Variants in ZFYVE9 observed in about 807,000 individuals in gnomAD.
The protein encoded by ZFYVE9 is zinc finger FYVE domain-containing protein 9.
ZFYVE9 carries 43 observed loss-of-function variants against 126.7 expected under a neutral mutation model. The observed-to-expected ratio is 0.34, with a 90% confidence interval of 0.27 to 0.44. The LOEUF (loss-of-function observed/expected upper bound fraction) is 0.44, where lower values mean the gene tolerates loss of function less well. ZFYVE9 is among the 20% of genes least tolerant of loss of function. The pLI is 1.00. For synonymous variants in ZFYVE9, 521 were observed against 597.4 expected (o/e 0.87, Z 1.87); for missense variants, 1,476 against 1,697.0 (o/e 0.87, Z 2.29).
At chr1:52,266,549 A>G in intron 5 of ZFYVE9, 106 bp from the exon 6 acceptor site, 1 of 942,954 alleles carries the variant, frequency 1.1e-6, no homozygotes, top group Non-Finnish European at 1.5e-6. Context: ...GAGACATACT[A>G]TGAGTATTAA....
At chr1:52,316,552 A>G (rs1165304978) in intron 13 of ZFYVE9, among the ~76,000 whole-genome samples, 1 of 152,178 alleles carries the variant, frequency 6.6e-6, no homozygotes, top group Admixed American at 6.6e-5. Context: ...TGAAATGGCT[A>G]TATTAATATC....
At chr1:52,257,812 G>A (rs1645537432) in intron 4 of ZFYVE9, among the ~76,000 whole-genome samples, 2 of 152,144 alleles carry the variant, frequency 1.3e-5, no homozygotes, top group Non-Finnish European at 2.9e-5. Flanking sequence ...TCTGCTCACT[G>A]CAACCTCCAC....
chr1:52,274,395 T>G, intron 7 of ZFYVE9, 69 bp from the exon 8 acceptor site: 3 of 1,477,280 alleles, frequency 2.0e-6, no homozygotes, highest in Non-Finnish European at 2.7e-6. Context: ...CCCATTTGTA[T>G]TTTTAATTAT....
intron 1 of ZFYVE9, among the ~76,000 whole-genome samples, chr1:52,198,156 C>T (rs1445718923): frequency 7.9e-6 from 1 of 126,254 alleles, no homozygotes; most frequent in Non-Finnish European, 1.6e-5. Flanking sequence ...GAGTCTCACT[C>T]TGTCACCCAA....
chr1:52,284,359 T>G (rs186643591), intron 10 of ZFYVE9, among the ~76,000 whole-genome samples: 1 of 152,022 alleles, frequency 6.6e-6, no homozygotes, highest in Non-Finnish European at 1.5e-5. Flanking sequence ...TCCTGAGAGA[T>G]AGACATCCTC....
chr1:52,330,022 G>GATAAC lies in ZFYVE9; in HGVS notation c.3439-2722_3439-2718dup, dbSNP rs55926257. ...AGGTGGGAGGATCAGTGTCAACCTGGATAACATAACATAACATAACATAAC... is the reference window on the plus strand; with the variant it reads ...AGGTGGGAGGATCAGTGTCAACCTGGATAACATAACATAACATAACATAACATAAC... On this transcript the variant is annotated intron_variant, in intron 13 of 18. Coordinates refer to ENST00000287727, the MANE Select transcript of ZFYVE9 (RefSeq NM_004799.4). Among the ~76,000 whole-genome samples the GATAAC allele has an allele frequency of 7.6e-3, 1,146 of 151,214 alleles. 10 individuals carry two copies. Among genetic ancestry groups the GATAAC allele is most frequent in the Middle Eastern group, 0.01 (3 of 292 alleles).
At chr1:52,151,721 T>A (rs1429760612) in intron 1 of ZFYVE9, among the ~76,000 whole-genome samples, 1 of 152,024 alleles carries the variant, frequency 6.6e-6, no homozygotes, top group Non-Finnish European at 1.5e-5. Context: ...TTCACCATGT[T>A]GGTCAGGCTG....
intron 1 of ZFYVE9, among the ~76,000 whole-genome samples, chr1:52,171,673 CTT>C (rs548750747): frequency 4.5e-4 from 68 of 152,166 alleles, no homozygotes; most frequent in African/African-American, 1.3e-3. Context: ...TGTTTCCTGA[CTT>C]TTTAATGATC....
chr1:52,231,253 C>T (rs897743791), intron 2 of ZFYVE9, among the ~76,000 whole-genome samples: 1 of 152,132 alleles, frequency 6.6e-6, no homozygotes, highest in Non-Finnish European at 1.5e-5. Flanking sequence ...TGTGGTGGCT[C>T]ATGCGTGTAA....
At chr1:52,234,108 T>C (rs553619991) in intron 3 of ZFYVE9, among the ~76,000 whole-genome samples, 2 of 152,294 alleles carry the variant, frequency 1.3e-5, no homozygotes, top group African/African-American at 2.4e-5. Context: ...AGGGAAGACT[T>C]TTCTCTAAAT....
intron 10 of ZFYVE9, among the ~76,000 whole-genome samples, chr1:52,290,228 GAA>G (rs900307696): frequency 6.6e-6 from 1 of 152,212 alleles, no homozygotes; most frequent in Non-Finnish European, 1.5e-5. Context: ...ATGGGGTGGG[GAA>G]GAGAGAGAAA....
At chr1:52,190,537 G>A (rs1219996299) in intron 1 of ZFYVE9, among the ~76,000 whole-genome samples, 1 of 152,182 alleles carries the variant, frequency 6.6e-6, no homozygotes, top group Non-Finnish European at 1.5e-5. Flanking sequence ...TGACCAATAA[G>A]TGGAGCTTGT....
chr1:52,346,337 GGAA>G lies in ZFYVE9; in HGVS notation c.*117_*119del. On this transcript the variant is annotated 3_prime_UTR_variant, in exon 19 of 19. Transcript: ENST00000287727. ...TTTGTTAACACTATTAATGGGGTGGGGAATAGGGTGGGAGTGGGGGTTTGGGAG... is the reference window on the plus strand; with the variant it reads ...TTTGTTAACACTATTAATGGGGTGGGTAGGGTGGGAGTGGGGGTTTGGGAG... The G allele has an allele frequency of 1.1e-6, 1 of 929,162 alleles. No individual in the cohort carries two copies. Among genetic ancestry groups the G allele is most frequent in the Non-Finnish European group, 1.5e-6 (1 of 653,028 alleles). 57.6% of individuals were successfully genotyped at this position (929,162 alleles called of 1,614,324 possible).
chr1:52,306,677 G>A (rs991068026), intron 13 of ZFYVE9, among the ~76,000 whole-genome samples: 1 of 152,256 alleles, frequency 6.6e-6, no homozygotes, highest in Non-Finnish European at 1.5e-5. Flanking sequence ...CTGAGCCAGG[G>A]CTGTGACTCC....
At chr1:52,169,506 C>G (rs145490767) in intron 1 of ZFYVE9, among the ~76,000 whole-genome samples, 241 of 152,246 alleles carry the variant, frequency 1.6e-3, no homozygotes, top group Non-Finnish European at 2.4e-3. Flanking sequence ...TCTTGTTGAT[C>G]ATTCATTTCC....
At chr1:52,225,895 C>T (rs1033626378) in intron 2 of ZFYVE9, among the ~76,000 whole-genome samples, 5 of 151,984 alleles carry the variant, frequency 3.3e-5, no homozygotes, top group South Asian at 2.1e-4. Context: ...CCGACACACA[C>T]GAGGAGTTTA....
At chr1:52,266,853 T>C in intron 6 of ZFYVE9, 22 bp downstream of exon 6, 1 of 1,537,340 alleles carries the variant, frequency 6.5e-7, no homozygotes, top group Non-Finnish European at 8.7e-7. Flanking sequence ...TGTGCTATTC[T>C]CTCTCTTTTT....
intron 1 of ZFYVE9, among the ~76,000 whole-genome samples, chr1:52,203,932 A>G (rs913710064): frequency 1.3e-5 from 2 of 152,038 alleles, no homozygotes; most frequent in East Asian, 1.9e-4. Flanking sequence ...GAATTTTTCT[A>G]TACTTTCATT....
intron 1 of ZFYVE9, among the ~76,000 whole-genome samples, chr1:52,214,286 G>C (rs1478959187): frequency 6.6e-6 from 1 of 152,068 alleles, no homozygotes; most frequent in Non-Finnish European, 1.5e-5. Context: ...AATTAGCTGG[G>C]CCTGGTGGCA....
Sources: gnomAD v4.1 joint callset for allele counts (sites outside exome capture counted in the v4.1 genomes callset) on GRCh38, gnomAD v4.1.1 for gene constraint, MANE v1.5 for transcripts, NCBI Gene and HGNC (gene_info 2026-07-23, HGNC 2026-07-21) for gene names.